The following VIRMA variants were observed in gnomAD, a reference collection of about 807,000 sequenced individuals.
VIRMA encodes protein virilizer homolog.
In VIRMA, 65 loss-of-function variants were observed where a neutral mutation model predicts 182.4. The observed-to-expected ratio is 0.36, with a 90% CI of 0.29 to 0.44. VIRMA has a LOEUF of 0.44. Among genes scored for constraint, VIRMA ranks in the 20% least tolerant of loss-of-function variants. The pLI, the probability that VIRMA is intolerant of heterozygous loss-of-function variation, is 1.00. For synonymous variants in VIRMA, 709 were observed against 743.1 expected (o/e 0.95, Z 0.75); for missense variants, 1,752 against 2,158.1 (o/e 0.81, Z 3.73).
At chr8:94,514,681 T>C (rs566899301) in intron 11 of VIRMA, among the ~76,000 whole-genome samples, 188 bp downstream of exon 11, 4 of 152,382 alleles carry the variant, frequency 2.6e-5, no homozygotes, top group African/African-American at 9.6e-5. Flanking sequence ...TGTGCACGTG[T>C]GTTCACATAT....
rs754256152 is a variant in VIRMA at position 94,538,331 on chromosome 8, A to G, written c.195T>C (p.His65=). Residue 65 remains histidine (H), a synonymous_variant, in exon 3 of 24, where the codon CAT becomes CAC. Coordinates refer to ENST00000297591, the MANE Select transcript of VIRMA (RefSeq NM_015496.5). ...TGAAGAATAAGTCTAATTGAAATGT[A>G]TGGGGAGATGTCTCTCTGTAAATGA... The part of the protein sequence containing the change: ...DNRAYGETSP[H]TFQLDLFFNN... 1.2e-6 allele frequency: 2 copies of G among 1,609,482 alleles called. No individual in the cohort carries two copies. Among genetic ancestry groups the G allele is most frequent in the South Asian group, 2.2e-5 (2 of 90,928 alleles).
intron 22 of VIRMA, 49 bp downstream of exon 22, chr8:94,491,529 T>G: frequency 6.8e-7 from 1 of 1,462,008 alleles, no homozygotes; most frequent in Non-Finnish European, 9.4e-7. Context: ...TTCAATATTT[T>G]AACATTCCAA....
intron 2 of VIRMA, among the ~76,000 whole-genome samples, chr8:94,543,020 T>C (rs1409528714): frequency 1.3e-5 from 2 of 152,042 alleles, no homozygotes; most frequent in African/African-American, 4.8e-5. Context: ...GCGATTCTCC[T>C]GCCTCAGCCT....
intron 3 of VIRMA, among the ~76,000 whole-genome samples, chr8:94,537,857 AT>A (rs1207848875): frequency 6.6e-6 from 1 of 152,144 alleles, no homozygotes; most frequent in African/African-American, 2.4e-5. Flanking sequence ...CAAAAGTTTC[AT>A]TTTACAAAAT....
In VIRMA at chr8:94,496,551, A is replaced by G. The variant is rs551263585; in HGVS notation, c.4231-71T>C. On this transcript the variant is annotated intron_variant, in intron 17 of 23. Transcript: ENST00000297591. ...CAAAGATGCATCCACACTTATTCAT[A>G]TTATCTAAGCCATATGCTGCAATCT... The G allele has an allele frequency of 5.2e-5, 66 of 1,280,334 alleles. No homozygotes were observed. In the South Asian group the frequency reaches 8.7e-4, roughly 17 times the overall value. The allele number at this position is 1,280,334 out of a possible 1,614,324, so 79.3% of individuals were successfully genotyped here. A position where few individuals can be genotyped will look rare whatever the true frequency, so the allele number is the denominator to read the frequency against.
At chr8:94,506,442 G>A (rs1814156725) in intron 16 of VIRMA, 58 bp downstream of exon 16, 2 of 1,069,314 alleles carry the variant, frequency 1.9e-6, no homozygotes, top group African/African-American at 1.6e-5. Context: ...GGGTGAAGGA[G>A]CAGTGACAGA....
chr8:94,526,366 CCTTT>C lies in VIRMA; in HGVS notation c.1874_1877del (p.Glu625GlyfsTer6). On this transcript the variant is annotated frameshift_variant, in exon 8 of 24. Transcript: ENST00000297591. LOFTEE classifies it high-confidence loss of function. ...AAACTTCTTCTAGGAGGTTAATAAG[CCTTT>C]CTATTTCCCCTTCACTTATATTTGA... 6.2e-7 allele frequency: 1 copy of C among 1,614,074 alleles called. No homozygotes were observed. Among genetic ancestry groups the C allele is most frequent in the Non-Finnish European group, 8.5e-7 (1 of 1,179,990 alleles).
chr8:94,526,393 T>G lies in VIRMA; in HGVS notation c.1851A>C (p.Ser617=). Residue 617 remains serine, a synonymous_variant, in exon 8 of 24, where the codon TCA becomes TCC. Transcript: ENST00000297591. The stretch of plus-strand genomic sequence containing the variant: ...TTTCTATTTCCCCTTCACTTATATT[T>G]GAGGATTCCAAAAGATCCATATCCA... ...ASMDMDLLES[S]NISEGEIERL... 1 of 1,614,046 alleles carries G rather than the reference T, an allele frequency of 6.2e-7. No homozygotes were observed. Among genetic ancestry groups the G allele is most frequent in the Middle Eastern group, 1.6e-4 (1 of 6,062 alleles).
intron 8 of VIRMA, among the ~76,000 whole-genome samples, chr8:94,520,072 G>A (rs1018402637): frequency 1.3e-5 from 2 of 151,568 alleles, no homozygotes; most frequent in African/African-American, 4.9e-5. Context: ...TTAGCCAGGC[G>A]TGGTGGCGCA....
Position 94,527,299 on chromosome 8 carries a change from T to C in VIRMA, c.945A>G (p.Thr315=). 6.2e-7 allele frequency: 1 copy of C among 1,603,688 alleles called. No homozygotes were observed. Among genetic ancestry groups the C allele is most frequent in the Non-Finnish European group, 8.5e-7 (1 of 1,173,616 alleles). Residue 315 remains threonine, a synonymous_variant, in exon 8 of 24, where the codon ACA becomes ACG. Transcript: ENST00000297591. Reference sequence around the variant, plus strand: ...CAACATCAAAGTTTGGATACTTAAATGTTTCACGTTCCAAGTCAGCAATTC... The same window carrying C: ...CAACATCAAAGTTTGGATACTTAAACGTTTCACGTTCCAAGTCAGCAATTC... ...EDGIADLERE[T]FKYPNFDVEY...
chr8:94,533,623 T>C (rs1815242916), intron 5 of VIRMA: 2 of 149,674 alleles, frequency 1.3e-5, no homozygotes, highest in Non-Finnish European at 3.0e-5. Context: ...TCTTTTTTTT[T>C]TTTTTTTTTT....
At chr8:94,489,888 G>A in intron 23 of VIRMA, 51 bp downstream of exon 23, 1 of 1,584,374 alleles carries the variant, frequency 6.3e-7, no homozygotes, top group Non-Finnish European at 8.6e-7. Context: ...AATTTTAAAG[G>A]AGGAATTTAC....
Position 94,488,231 on chromosome 8 carries a change from T to C in VIRMA, c.*475A>G, listed in dbSNP as rs1813505062. The C allele has an allele frequency of 6.5e-6, 1 of 152,756 alleles. No individual in the cohort carries two copies. The highest frequency in any genetic ancestry group is 1.5e-5 in the Non-Finnish European group (1 of 68,408). The allele number at this position is 152,756 out of a possible 1,614,324, so 9.5% of individuals were successfully genotyped here. ...AGAAGCAGAGAGGAAAAGAAAATGA[T>C]ACTGATTCCAAGGTTTGAGACATGC... On this transcript the variant is annotated 3_prime_UTR_variant, in exon 24 of 24. Transcript: ENST00000297591.
chr8:94,491,134 C>T (rs193250489), intron 22 of VIRMA, among the ~76,000 whole-genome samples: 6,352 of 133,690 alleles, frequency 0.048, 291 homozygotes, highest in East Asian at 0.12. Context: ...GCAAACACGG[C>T]GAAAACCCAT....
chr8:94,543,875 G>T lies in VIRMA; in HGVS notation c.131C>A (p.Pro44His). The change falls in exon 2 of 24, where the codon CCC (proline) becomes CAC (histidine). Residue 44 changes from proline to histidine, a missense_variant. This residue lies in a region of VIRMA where 195 missense variants were observed against 191.7 expected (regional missense o/e 1.02). Transcript: ENST00000297591. Reference protein sequence around the residue: ...VVYINEVRVIPPGVRAHSSLP... With the variant: ...VVYINEVRVIHPGVRAHSSLP... The stretch of plus-strand genomic sequence containing the variant: ...ACTGCTATGGGCTCTTACTCCTGGG[G>T]GTATGACTCGGACTTCATTGATATA... The T allele has an allele frequency of 6.2e-7, 1 of 1,612,618 alleles. No individual in the cohort carries two copies. The highest frequency in any genetic ancestry group is 8.5e-7 in the Non-Finnish European group (1 of 1,179,066).
intron 2 of VIRMA, among the ~76,000 whole-genome samples, chr8:94,541,808 C>T (rs1214741494): frequency 6.6e-6 from 1 of 152,154 alleles, no homozygotes; most frequent in Non-Finnish European, 1.5e-5. Context: ...TCCCATAGTG[C>T]TAGGATTACA....
intron 15 of VIRMA, 40 bp from the exon 16 acceptor site, chr8:94,506,757 A>C (rs555765785): frequency 1.6e-6 from 2 of 1,269,960 alleles, no homozygotes; most frequent in African/African-American, 3.0e-5. Flanking sequence ...TTTTTAAATA[A>C]TTATCACCAT....
At chr8:94,539,556 A>C (rs1396015789) in intron 2 of VIRMA, among the ~76,000 whole-genome samples, 1 of 152,212 alleles carries the variant, frequency 6.6e-6, no homozygotes, top group African/African-American at 2.4e-5. Context: ...AAAAATCCAA[A>C]TGTTAATAAC....
In VIRMA at chr8:94,526,420, A is replaced by G. The variant is rs1814968590; in HGVS notation, c.1824T>C (p.Ser608=). The G allele has an allele frequency of 6.2e-7, 1 of 1,613,944 alleles. No individual in the cohort carries two copies. ...NPEYENEVEA[S]MDMDLLESSN... is the part of the protein sequence containing the mutation. ...AGGATTCCAAAAGATCCATATCCAT[A>G]GAAGCTTCCACCTCATTTTCATATT... The change falls in exon 8 of 24, where the codon TCT becomes TCC. Residue 608 remains serine (S), a synonymous_variant. Coordinates refer to ENST00000297591, the MANE Select transcript of VIRMA (RefSeq NM_015496.5).
Sources: allele counts gnomAD v4.1 joint callset (sites outside exome capture counted in the v4.1 genomes callset), GRCh38; gene constraint gnomAD v4.1.1; regional missense constraint gnomAD v4.1.1; transcripts MANE v1.5; gene names NCBI Gene and HGNC (gene_info 2026-07-23, HGNC 2026-07-21).